Variants in BIRC6 observed in about 807,000 individuals in gnomAD.
The protein encoded by BIRC6 is baculoviral IAP repeat containing 6.
BIRC6 carries 98 observed loss-of-function variants against 503.3 expected under a neutral mutation model. The observed-to-expected ratio is 0.19, with a 90% CI of 0.17 to 0.23. The LOEUF is 0.23. Among genes scored for constraint, BIRC6 ranks in the 10% least tolerant of loss-of-function variants. BIRC6 has a pLI of 1.00. For synonymous variants in BIRC6, 2,240 were observed against 2,078.7 expected, an observed-to-expected ratio of 1.08 and a Z score of -2.11; for missense variants, 5,360 against 5,806.0, an observed-to-expected ratio of 0.92 and a Z score of 2.50.
chr2:32,553,870 A>T (rs1305883852), intron 65 of BIRC6, among the ~76,000 whole-genome samples: 1 of 152,206 alleles, frequency 6.6e-6, no homozygotes, highest in Non-Finnish European at 1.5e-5. Context: ...TAAAATAAAG[A>T]CATCTGTTAG....
intron 10 of BIRC6, among the ~76,000 whole-genome samples, chr2:32,416,718 A>G (rs2042409026): frequency 6.6e-6 from 1 of 152,074 alleles, no homozygotes; most frequent in African/African-American, 2.4e-5. Flanking sequence ...GAAGCACTAT[A>G]TAGATTAAGA....
chr2:32,501,680 T>G, intron 46 of BIRC6, 33 bp from the exon 47 acceptor site: 3 of 1,576,874 alleles, frequency 1.9e-6, no homozygotes, highest in Non-Finnish European at 2.6e-6. Context: ...TGGATATATA[T>G]ACTTTTAATG....
intron 66 of BIRC6, among the ~76,000 whole-genome samples, chr2:32,589,023 G>A (rs982538681): frequency 1.3e-5 from 2 of 152,078 alleles, no homozygotes; most frequent in African/African-American, 4.8e-5. Flanking sequence ...CTTCCTTCAA[G>A]CAGGAACAAA....
At chr2:32,555,313 G>A (rs1216094186) in intron 65 of BIRC6, among the ~76,000 whole-genome samples, 1 of 152,098 alleles carries the variant, frequency 6.6e-6, no homozygotes, top group Non-Finnish European at 1.5e-5. Flanking sequence ...TTTGAGATCA[G>A]CCTTGGCAAC....
intron 46 of BIRC6, 109 bp from the exon 47 acceptor site, chr2:32,501,604 C>A: frequency 1.2e-6 from 1 of 827,768 alleles, no homozygotes; most frequent in East Asian, 2.7e-5. Context: ...CTCCTGAAGT[C>A]AGGTGATCCA....
At position 32,464,657 on chromosome 2, in the gene BIRC6, C is replaced by A. The variant is rs750040474; in HGVS notation, c.5090C>A (p.Thr1697Asn). The A allele has an allele frequency of 6.2e-7, 1 of 1,613,958 alleles. No individual in the cohort carries two copies. Among genetic ancestry groups the A allele is most frequent in the Non-Finnish European group, 8.5e-7 (1 of 1,179,880 alleles). ...CATCCATCTGATGTTATTCCACCCACTCCAAAAACAACACCTCTTTTTATG... is the reference window on the plus strand; with the variant it reads ...CATCCATCTGATGTTATTCCACCCAATCCAAAAACAACACCTCTTTTTATG... ...FIHPSDVIPP[T>N]PKTTPLFMTP... Residue 1697 changes from threonine (T) to asparagine (N), a missense_variant, in exon 25 of 74, where the codon ACT becomes AAT. By Grantham distance (65) the Thr-to-Asn change is moderately conservative. Transcript: ENST00000421745.
rs1480624603 is a variant in BIRC6, at chr2:32,578,989, T to TATATATATATATACAC, written c.13355+3624_13355+3625insTATATATATATACACA. On this transcript the variant is annotated intron_variant, in intron 66 of 73. Transcript: ENST00000421745. ...TATTTTTATATACCTAATATATATA[T>TATATATATATATACAC]ACACTTAATATATATATATACCTAA... Among the ~76,000 whole-genome samples the TATATATATATATACAC allele has an allele frequency of 2.3e-4, 21 of 89,654 alleles. 1 individual carries two copies. The highest frequency in any genetic ancestry group is 4.0e-4 in the Non-Finnish European group (18 of 45,034). The allele number at this position is 89,654 out of a possible 152,430, so 58.8% of individuals were successfully genotyped here. A position where few individuals can be genotyped will look rare whatever the true frequency, so the allele number is the denominator to read the frequency against.
intron 32 of BIRC6, 141 bp downstream of exon 32, chr2:32,471,265 A>T: frequency 9.5e-7 from 1 of 1,052,958 alleles, no homozygotes; most frequent in Non-Finnish European, 1.3e-6. Context: ...GGAAAATACA[A>T]ATGAACTTCA....
intron 70 of BIRC6, among the ~76,000 whole-genome samples, chr2:32,602,164 A>T (rs547531796): frequency 6.6e-6 from 1 of 152,338 alleles, no homozygotes; most frequent in East Asian, 1.9e-4. Context: ...ACCATACAGA[A>T]TAGCCAAGAT....
chr2:32,411,218 A>G (rs1394989878), intron 9 of BIRC6, among the ~76,000 whole-genome samples: 1 of 150,576 alleles, frequency 6.6e-6, no homozygotes, highest in Non-Finnish European at 1.5e-5. Context: ...TTGTATTTTT[A>G]GTAGAGACGG....
In BIRC6 at chr2:32,441,437, A is replaced by C. The variant is rs943490700; in HGVS notation, c.3919A>C (p.Lys1307Gln). The C allele has an allele frequency of 8.7e-6, 14 of 1,609,734 alleles. No homozygotes were observed. The highest frequency in any genetic ancestry group is 1.7e-5 in the Admixed American group (1 of 59,596). Residue 1307 changes from lysine to glutamine, a missense_variant, in exon 17 of 74, where the codon AAG (lysine) becomes CAG (glutamine). Lys to Gln is a moderately conservative substitution (Grantham distance 53). Coordinates refer to ENST00000421745, the MANE Select transcript of BIRC6 (RefSeq NM_016252.4). ...QEVSVTIRRF[K>Q]KTSISKERVQ... ...GGTCTCAGTCACCATTCGAAGATTT[A>C]AGAAAACCTCAATTTCTAAGGAAAG...
At chr2:32,379,605 A>C (rs1397942758) in intron 2 of BIRC6, 1 of 152,134 alleles carries the variant, frequency 6.6e-6, no homozygotes, top group Non-Finnish European at 1.5e-5. Context: ...TTACTGCATC[A>C]GATTAGTTTG....
intron 70 of BIRC6, among the ~76,000 whole-genome samples, chr2:32,601,135 G>A (rs2062027007): frequency 6.6e-6 from 1 of 152,244 alleles, no homozygotes; most frequent in Non-Finnish European, 1.5e-5. Flanking sequence ...AATGGTATAT[G>A]TATGACAGCA....
chr2:32,493,878 T>C lies in BIRC6; in HGVS notation c.8468+211T>C, dbSNP rs556800175. On this transcript the variant is annotated intron_variant, in intron 45 of 73. Coordinates refer to ENST00000421745, the MANE Select transcript of BIRC6 (RefSeq NM_016252.4). The stretch of plus-strand genomic sequence containing the variant: ...CTCAAGTCCTTATACCTCTACTCTC[T>C]TTAATATGAAAGGAATACAGTTGAC... 4.6e-5 allele frequency among the ~76,000 whole-genome samples: 7 copies of C among 152,348 alleles called. No homozygotes were observed. The East Asian group carries it at 1.2e-3, about 25-fold the overall frequency.
At chr2:32,523,449 C>T (rs2055944987) in intron 57 of BIRC6, 1 of 152,008 alleles carries the variant, frequency 6.6e-6, no homozygotes, top group South Asian at 2.1e-4. Flanking sequence ...TTGTGAATTT[C>T]TTATTATTTA....
chr2:32,504,991 A>G lies in BIRC6; in HGVS notation c.9500-14A>G. The stretch of plus-strand genomic sequence containing the variant: ...TTGCAAGTTCTTATAATTTATGTAA[A>G]ATATCTTCTCTAGGTACAATCACAT... On this transcript the variant is annotated splice_polypyrimidine_tract_variant and intron_variant, in intron 49 of 73. Coordinates refer to ENST00000421745, the MANE Select transcript of BIRC6 (RefSeq NM_016252.4). 1 of 1,601,946 alleles carries G rather than the reference A, an allele frequency of 6.2e-7. No homozygotes were observed. The highest frequency in any genetic ancestry group is 1.7e-4 in the Middle Eastern group (1 of 6,028).
intron 25 of BIRC6, 60 bp downstream of exon 25, chr2:32,464,883 C>T (rs2048358764): frequency 6.5e-7 from 1 of 1,529,100 alleles, no homozygotes; most frequent in Admixed American, 2.2e-5. Flanking sequence ...GAAATATACT[C>T]TAACTTTAGA....
chr2:32,407,445 C>CAAA (rs760585710), intron 9 of BIRC6, among the ~76,000 whole-genome samples: 23 of 69,492 alleles, frequency 3.3e-4, no homozygotes, highest in African/African-American at 4.9e-4. Context: ...AACTCTGTCT[C>CAAA]AAAAAAAAAA....
At chr2:32,442,813 C>CT (rs941641241) in intron 19 of BIRC6, among the ~76,000 whole-genome samples, 86 of 151,980 alleles carry the variant, frequency 5.7e-4, no homozygotes, top group African/African-American at 1.7e-3. Context: ...ATCTTACCGA[C>CT]TTTTTTTTGT....
Sources: allele counts gnomAD v4.1 joint callset (sites outside exome capture counted in the v4.1 genomes callset), GRCh38; gene constraint gnomAD v4.1.1; transcripts MANE v1.5; gene names NCBI Gene and HGNC (gene_info 2026-07-23, HGNC 2026-07-21).